TLE1: variants seen among roughly 807,000 people sequenced by gnomAD.
The protein encoded by TLE1 is transducin-like enhancer protein 1.
A neutral mutation model predicts 89.8 loss-of-function variants in TLE1; 21 were observed. The observed-to-expected ratio is 0.23, with a 90% CI of 0.17 to 0.34. The LOEUF (loss-of-function observed/expected upper bound fraction) is 0.34, where lower values mean the gene tolerates loss of function less well. Ranked by LOEUF, TLE1 falls within the 10% of genes least tolerant of loss-of-function variation. TLE1 has a pLI of 1.00. For synonymous variants in TLE1, 447 were observed against 407.6 expected, an observed-to-expected ratio of 1.10 and a Z score of -1.16; for missense variants, 795 against 1,031.2, an observed-to-expected ratio of 0.77 and a Z score of 3.14.
intron 6 of TLE1, among the ~76,000 whole-genome samples, chr9:81,647,341 C>T (rs1036743969): frequency 2.0e-5 from 3 of 152,218 alleles, no homozygotes; most frequent in African/African-American, 4.8e-5. Context: ...GATGTCTTCA[C>T]GTTTTTGCTC....
chr9:81,615,915 CAG>C, intron 11 of TLE1, 65 bp downstream of exon 11: 6 of 1,589,638 alleles, frequency 3.8e-6, no homozygotes, highest in Non-Finnish European at 5.1e-6. Flanking sequence ...TCCAATACTT[CAG>C]AGTCCTCCAG....
intron 14 of TLE1, among the ~76,000 whole-genome samples, chr9:81,599,254 C>T (rs111966895): frequency 3.3e-4 from 51 of 152,284 alleles, no homozygotes; most frequent in African/African-American, 1.1e-3. Flanking sequence ...CCCATAACCA[C>T]GGCTAGTAAG....
rs72747286 is a variant in TLE1, at chr9:81,660,722, A to G, written c.235-6686T>C. Among the ~76,000 whole-genome samples the G allele has an allele frequency of 7.1e-3, 1,070 of 151,176 alleles. 13 individuals carry two copies. Among genetic ancestry groups the G allele is most frequent in the Non-Finnish European group, 0.012 (802 of 67,818 alleles). ...TGAGCCACCATGCCCAGCTACATGT[A>G]TGTTTTAACTGAGCAGAAATACGGC... On this transcript the variant is annotated intron_variant, in intron 4 of 19. Transcript: ENST00000376499.
chr9:81,635,969 G>A (rs1335836058), intron 6 of TLE1, among the ~76,000 whole-genome samples: 1 of 151,980 alleles, frequency 6.6e-6, no homozygotes, highest in Non-Finnish European at 1.5e-5. Flanking sequence ...GACCAGCCTG[G>A]GCAACATAGG....
rs553530660 is a variant in TLE1 at position 81,626,876 on chromosome 9, A to T, written c.595-6319T>A. On this transcript the variant is annotated intron_variant, in intron 8 of 19. Transcript: ENST00000376499. ...ACAAACTCTGGAGCAGACAATAAAT[A>T]CAATTATTTAAAATTAATTTTTAAA... 2.0e-5 allele frequency among the ~76,000 whole-genome samples: 3 copies of T among 152,334 alleles called. No homozygotes were observed. The East Asian group carries it at 5.8e-4, about 29-fold the overall frequency.
At chr9:81,652,366 TG>T in intron 5 of TLE1, 78 bp from the exon 6 acceptor site, 1 of 1,269,442 alleles carries the variant, frequency 7.9e-7, no homozygotes, top group Admixed American at 1.8e-5. Context: ...AAAAGTCAAA[TG>T]CTGTGTGCAA....
At chr9:81,673,461 C>T (rs1312628298) in intron 4 of TLE1, among the ~76,000 whole-genome samples, 2 of 151,984 alleles carry the variant, frequency 1.3e-5, no homozygotes, top group Admixed American at 6.6e-5. Context: ...GAAGCATGGC[C>T]TAGAAGTCCA....
intron 11 of TLE1, among the ~76,000 whole-genome samples, chr9:81,613,822 A>G (rs78747387): frequency 0.035 from 5,340 of 152,102 alleles, 338 homozygotes; most frequent in African/African-American, 0.12. Context: ...CCAAGTTAGA[A>G]AGATGACCAC....
At chr9:81,645,612 T>A (rs932573182) in intron 6 of TLE1, among the ~76,000 whole-genome samples, 1 of 151,542 alleles carries the variant, frequency 6.6e-6, no homozygotes, top group East Asian at 2.0e-4. Context: ...TGGTGGCACA[T>A]GCCTATAATC....
chr9:81,688,119 G>C, intron 1 of TLE1, 98 bp downstream of exon 1: 1 of 1,488,480 alleles, frequency 6.7e-7, no homozygotes, highest in East Asian at 2.5e-5. Flanking sequence ...AGGGCGAGAA[G>C]GTCCGCCGGG....
Position 81,685,659 on chromosome 9 carries a change from G to A in TLE1, c.234+17C>T, listed in dbSNP as rs754936937. 6 of 1,612,088 alleles carry A rather than the reference G, an allele frequency of 3.7e-6. No individual in the cohort carries two copies. The highest frequency in any genetic ancestry group is 1.7e-4 in the Middle Eastern group (1 of 6,028). On this transcript the variant is annotated intron_variant, in intron 4 of 19. Coordinates refer to ENST00000376499, the MANE Select transcript of TLE1 (RefSeq NM_005077.5). ...AACTGATGTCTCATTTCAGCTTGAA[G>A]TTCAACTAAAGCTTACCTGTTTGTG... is the stretch of plus-strand genomic sequence containing the variant.
chr9:81,632,240 C>T (rs1484939966), intron 8 of TLE1, among the ~76,000 whole-genome samples: 1 of 152,122 alleles, frequency 6.6e-6, no homozygotes, highest in African/African-American at 2.4e-5. Flanking sequence ...CCCCTCTCAA[C>T]ATTTTCCAGA....
intron 4 of TLE1, among the ~76,000 whole-genome samples, chr9:81,685,229 G>A (rs1207762771): frequency 6.6e-6 from 1 of 151,962 alleles, no homozygotes; most frequent in Non-Finnish European, 1.5e-5. Flanking sequence ...ATACTCCACA[G>A]ATAGTCATAT....
intron 7 of TLE1, chr9:81,633,694 T>C (rs1231449002): frequency 2.0e-6 from 1 of 490,090 alleles, no homozygotes. Context: ...TGAAACTAAG[T>C]AGTAACAGAT....
At position 81,689,478 on chromosome 9, in the gene TLE1, T is replaced by TGCTGCTGCTGCTTCTGCAGCC. The variant is rs1445787540; in HGVS notation, c.-1259_-1239dup. On this transcript the variant is annotated 5_prime_UTR_variant, in exon 1 of 20. Coordinates refer to ENST00000376499, the MANE Select transcript of TLE1 (RefSeq NM_005077.5). ...GGCACAGAGTACCCGCCGCTGTTTC[T>TGCTGCTGCTGCTTCTGCAGCC]GCTGCTGCTGCTTCTGCAGCCGCCG... Among the ~76,000 whole-genome samples the TGCTGCTGCTGCTTCTGCAGCC allele has an allele frequency of 5.3e-5, 8 of 152,110 alleles. No homozygotes were observed. The highest frequency in any genetic ancestry group is 5.9e-5 in the Non-Finnish European group (4 of 67,992).
At chr9:81,653,115 C>T (rs1277609843) in intron 5 of TLE1, among the ~76,000 whole-genome samples, 1 of 152,160 alleles carries the variant, frequency 6.6e-6, no homozygotes, top group Non-Finnish European at 1.5e-5. Context: ...TACTGATATA[C>T]TCAAAAGGCA....
chr9:81,652,401 A>C (rs1297663451), intron 5 of TLE1, 113 bp from the exon 6 acceptor site: 4 of 768,468 alleles, frequency 5.2e-6, no homozygotes, highest in Non-Finnish European at 8.4e-6. Context: ...AGAAGGGTTT[A>C]AATGCAGAAT....
chr9:81,648,789 G>C (rs1829185386), intron 6 of TLE1, among the ~76,000 whole-genome samples: 1 of 152,018 alleles, frequency 6.6e-6, no homozygotes, highest in South Asian at 2.1e-4. Context: ...ATTTTGTTTT[G>C]ATCATTCTTA....
chr9:81,612,460 C>G (rs1166686768), intron 12 of TLE1: 6 of 755,052 alleles, frequency 7.9e-6, no homozygotes, highest in Non-Finnish European at 9.7e-6. Flanking sequence ...CCTTTGGGCC[C>G]AGGTTGTTGC....
Sources: allele counts gnomAD v4.1 joint callset (sites outside exome capture counted in the v4.1 genomes callset), GRCh38; gene constraint gnomAD v4.1.1; transcripts MANE v1.5; gene names NCBI Gene and HGNC (gene_info 2026-07-23, HGNC 2026-07-21).